PSMF1: variants seen among roughly 807,000 people sequenced by gnomAD.
The protein encoded by PSMF1 is proteasome inhibitor subunit 1.
In PSMF1, 30 loss-of-function variants were observed where a neutral mutation model predicts 29.3. That is an observed-to-expected ratio of 1.02 (90% CI 0.77 to 1.39). The LOEUF is 1.39. Among genes scored for constraint, PSMF1 ranks in the 40% most tolerant of loss-of-function variants. The pLI is 0.00. For synonymous variants in PSMF1, 134 were observed against 139.7 expected (o/e 0.96, Z 0.29); for missense variants, 344 against 357.5 (o/e 0.96, Z 0.31).
Position 1,168,111 on chromosome 20 carries a change from G to A in PSMF1, c.*3031G>A, listed in dbSNP as rs1358536946. 1 of 152,224 alleles carries A rather than the reference G, an allele frequency of 6.6e-6. No homozygotes were observed. Among genetic ancestry groups the A allele is most frequent in the Non-Finnish European group, 1.5e-5 (1 of 68,044 alleles). 9.4% of individuals were successfully genotyped at this position (152,224 alleles called of 1,614,324 possible). Reference sequence around the variant, plus strand: ...TTTGACCTACACCAAGCAAGGCAGAGACCAGAGTCAGTCCCCCTTGGGGAG... The same window carrying A: ...TTTGACCTACACCAAGCAAGGCAGAAACCAGAGTCAGTCCCCCTTGGGGAG... On this transcript the variant is annotated 3_prime_UTR_variant, in exon 7 of 7. Coordinates refer to ENST00000335877, the MANE Select transcript of PSMF1 (RefSeq NM_006814.5).
rs921675785 is a variant in PSMF1, at chr20:1,164,574, C to G, written c.764+98C>G. On this transcript the variant is annotated intron_variant, in intron 6 of 6. Transcript: ENST00000335877. This position sits in a 1 kb window ranked among gnomAD's most constrained non-coding sequence, Gnocchi z 4.1. Reference sequence around the variant, plus strand: ...TTTCTAGCCCCAGGCACAGAGCTGCCGCTGCCTTCACCTGTTGCTGCCAGG... The same window carrying G: ...TTTCTAGCCCCAGGCACAGAGCTGCGGCTGCCTTCACCTGTTGCTGCCAGG... The G allele has an allele frequency of 2.6e-5, 38 of 1,490,126 alleles. No individual in the cohort carries two copies. The highest frequency in any genetic ancestry group is 3.4e-5 in the Non-Finnish European group (37 of 1,089,132). 92.3% of individuals were successfully genotyped at this position (1,490,126 alleles called of 1,614,324 possible).
At chr20:1,152,953 T>C (rs1430508809) in intron 4 of PSMF1, among the ~76,000 whole-genome samples, 1 of 152,246 alleles carries the variant, frequency 6.6e-6, no homozygotes, top group Non-Finnish European at 1.5e-5. Context: ...TAGATTCCTA[T>C]AGAATTACTA....
At chr20:1,123,969 G>A (rs1249575031) in intron 1 of PSMF1, among the ~76,000 whole-genome samples, 1 of 152,176 alleles carries the variant, frequency 6.6e-6, no homozygotes, top group Non-Finnish European at 1.5e-5. Context: ...ACTATTAGCC[G>A]CTCTTTTTCT....
chr20:1,162,718 C>G (rs779689773), intron 4 of PSMF1, among the ~76,000 whole-genome samples: 8 of 152,124 alleles, frequency 5.3e-5, no homozygotes, highest in Non-Finnish European at 1.0e-4. Context: ...CTGTATGTGA[C>G]TCCATACATC....
rs74950734 is a variant in PSMF1 at position 1,153,605 on chromosome 20, G to A, written c.552-9525G>A. ...TTTCTCATCACATTCATAGGTACTG[G>A]GGATTAGGAGTTGTGGAGTCTTGAG... is the stretch of plus-strand genomic sequence containing the variant. On this transcript the variant is annotated intron_variant, in intron 4 of 6. Coordinates refer to ENST00000335877, the MANE Select transcript of PSMF1 (RefSeq NM_006814.5). 5.9e-3 allele frequency among the ~76,000 whole-genome samples: 893 copies of A among 152,034 alleles called. 6 individuals are homozygous for A. Among genetic ancestry groups the A allele is most frequent in the African/African-American group, 0.021 (857 of 41,482 alleles).
chr20:1,126,980 T>C (rs1457740934), intron 2 of PSMF1, among the ~76,000 whole-genome samples: 1 of 152,210 alleles, frequency 6.6e-6, no homozygotes, highest in South Asian at 2.1e-4. Flanking sequence ...AAACCACTGC[T>C]GCCACCACCA....
At chr20:1,145,823 A>G (rs1228686566) in intron 4 of PSMF1, among the ~76,000 whole-genome samples, 3 of 152,202 alleles carry the variant, frequency 2.0e-5, no homozygotes, top group Non-Finnish European at 4.4e-5. Context: ...CTGCAGGTCC[A>G]GCAAGTCCTG....
chr20:1,127,355 A>T, intron 2 of PSMF1, 71 bp from the exon 3 acceptor site: 1 of 1,142,120 alleles, frequency 8.8e-7, no homozygotes, highest in Non-Finnish European at 1.3e-6. Context: ...AGACTTTGTT[A>T]CTCTCCCTTC....
At chr20:1,120,740 C>G (rs575357178) in intron 1 of PSMF1, among the ~76,000 whole-genome samples, 1 of 152,252 alleles carries the variant, frequency 6.6e-6, no homozygotes, top group East Asian at 1.9e-4. Flanking sequence ...CTCAGCTCCC[C>G]CTGCCCTTTG....
At chr20:1,158,975 G>C (rs1335193303) in intron 4 of PSMF1, among the ~76,000 whole-genome samples, 1 of 151,742 alleles carries the variant, frequency 6.6e-6, no homozygotes, top group African/African-American at 2.4e-5. Context: ...AGAATTGCTT[G>C]AACCTGGGAG....
intron 4 of PSMF1, among the ~76,000 whole-genome samples, chr20:1,148,216 G>A (rs1053205738): frequency 3.3e-5 from 5 of 152,220 alleles, no homozygotes; most frequent in African/African-American, 1.2e-4. Flanking sequence ...AGTATAGCTA[G>A]AGAGGACATT....
intron 3 of PSMF1, among the ~76,000 whole-genome samples, chr20:1,134,457 A>G (rs1429894494): frequency 1.3e-5 from 2 of 152,060 alleles, no homozygotes; most frequent in Non-Finnish European, 2.9e-5. Context: ...GTTATTTTAC[A>G]TTTGTGAGCT....
Position 1,166,887 on chromosome 20 carries a change from GA to G in PSMF1, c.*1808del, listed in dbSNP as rs1372869293. On this transcript the variant is annotated 3_prime_UTR_variant, in exon 7 of 7. Transcript: ENST00000335877. Reference sequence around the variant, plus strand: ...TTATAAAAGGAAGTATTTAAAGGATGATAGAGACCATCAGATAGAAGCAGGG... The same window carrying G: ...TTATAAAAGGAAGTATTTAAAGGATGTAGAGACCATCAGATAGAAGCAGGG... 6.7e-6 allele frequency: 1 copy of G among 150,366 alleles called. No homozygotes were observed. The highest frequency in any genetic ancestry group is 1.5e-5 in the Non-Finnish European group (1 of 68,130). The allele number at this position is 150,366 out of a possible 1,614,324, so 9.3% of individuals were successfully genotyped here.
rs1309004623 is a variant in PSMF1, at chr20:1,118,843, T to G, written c.70T>G (p.Cys24Gly). 1 of 1,613,838 alleles carries G rather than the reference T, an allele frequency of 6.2e-7. No individual in the cohort carries two copies. The highest frequency in any genetic ancestry group is 1.3e-5 in the African/African-American group (1 of 74,950). The change falls in exon 1 of 7, where the codon TGC (cysteine) becomes GGC (glycine). Residue 24 changes from cysteine (C) to glycine (G), a missense_variant. Cys to Gly is a radical substitution (Grantham distance 159). Coordinates refer to ENST00000335877, the MANE Select transcript of PSMF1 (RefSeq NM_006814.5). Reference sequence around the variant, plus strand: ...CACCTGCAGGCAGGACGCGCTCGTCTGCTTCTTGCATTGGGAAGTGGTGAC... The same window carrying G: ...CACCTGCAGGCAGGACGCGCTCGTCGGCTTCTTGCATTGGGAAGTGGTGAC... Reference protein sequence around the residue: ...AITCRQDALVCFLHWEVVTHG... With the variant: ...AITCRQDALVGFLHWEVVTHG...
At chr20:1,127,192 T>C (rs2086169019) in intron 2 of PSMF1, 1 of 683,734 alleles carries the variant, frequency 1.5e-6, no homozygotes, top group South Asian at 1.6e-5. Flanking sequence ...TGAGCCCTTT[T>C]GCAAAAGAGC....
chr20:1,124,563 C>CAT (rs3034762), intron 1 of PSMF1, among the ~76,000 whole-genome samples: 147,793 of 152,260 alleles, frequency 0.97, 71,740 homozygotes, highest in Middle Eastern at 1. Flanking sequence ...AATTTATCCA[C>CAT]GTGTACCAGA....
intron 4 of PSMF1, among the ~76,000 whole-genome samples, chr20:1,135,753 T>A (rs1312254378): frequency 6.6e-6 from 1 of 152,210 alleles, no homozygotes; most frequent in African/African-American, 2.4e-5. Context: ...CCATTTCATT[T>A]CATTGTAGTC....
rs546786125 is a variant in PSMF1 at position 1,129,761 on chromosome 20, G to A, written c.365+2253G>A. Reference sequence around the variant, plus strand: ...GAATGTAAAATGGTGCAGCCACTATGGAAAACAATATGACAGTTCTTCAAA... The same window carrying A: ...GAATGTAAAATGGTGCAGCCACTATAGAAAACAATATGACAGTTCTTCAAA... On this transcript the variant is annotated intron_variant, in intron 3 of 6. Transcript: ENST00000335877. Among the ~76,000 whole-genome samples the A allele has an allele frequency of 2.0e-5, 3 of 152,318 alleles. No homozygotes were observed. The East Asian group carries it at 5.8e-4, about 29-fold the overall frequency.
chr20:1,158,578 A>G (rs1022836370), intron 4 of PSMF1, among the ~76,000 whole-genome samples: 2 of 152,160 alleles, frequency 1.3e-5, no homozygotes, highest in African/African-American at 4.8e-5. Context: ...TGTTGCTTTT[A>G]TGTAAAAGAG....
Sources: allele counts gnomAD v4.1 joint callset (sites outside exome capture counted in the v4.1 genomes callset), GRCh38; gene constraint gnomAD v4.1.1; non-coding constraint Gnocchi (gnomAD v3.1); transcripts MANE v1.5; gene names NCBI Gene and HGNC (gene_info 2026-07-23, HGNC 2026-07-21).